The following SH3BGRL2 variants were observed in gnomAD, a reference collection of about 807,000 sequenced individuals.
SH3BGRL2 encodes SH3 domain-binding glutamic acid-rich-like protein 2.
A neutral mutation model predicts 14.8 loss-of-function variants in SH3BGRL2; 21 were observed. The ratio of observed to expected loss-of-function variants is 1.42; its 90% CI spans 1.01 to 2.05. The LOEUF (loss-of-function observed/expected upper bound fraction) is 2.05, where lower values mean the gene tolerates loss of function less well. Among genes scored for constraint, SH3BGRL2 ranks in the 30% most tolerant of loss-of-function variants. The probability of loss-of-function intolerance (pLI) is 0.00; values close to 1 mark genes in which losing one functional copy is unlikely to be tolerated. For synonymous variants in SH3BGRL2, 50 were observed against 47.8 expected, an observed-to-expected ratio of 1.05 and a Z score of -0.19; for missense variants, 147 against 130.8, an observed-to-expected ratio of 1.12 and a Z score of -0.61.
the SH3BGRL2 span, among the ~76,000 whole-genome samples, chr6:79,589,326 G>A: frequency 9.3e-5 from 14 of 151,236 alleles, no homozygotes; most frequent in Non-Finnish European, 1.5e-4. Flanking sequence ...ACTAATGAAT[G>A]ATTATTTAAT....
the SH3BGRL2 span, among the ~76,000 whole-genome samples, chr6:79,541,451 T>C: frequency 6.6e-6 from 1 of 152,208 alleles, no homozygotes; most frequent in Non-Finnish European, 1.5e-5. Flanking sequence ...AATTTTTTCT[T>C]CTCTTTGTCT....
chr6:79,543,885 CTTCTT>C, the SH3BGRL2 span, among the ~76,000 whole-genome samples: 1 of 152,262 alleles, frequency 6.6e-6, no homozygotes, highest in East Asian at 1.9e-4. Flanking sequence ...CTAAGGCACT[CTTCTT>C]TTCTAACAGA....
chr6:79,597,851 G>C, the SH3BGRL2 span, among the ~76,000 whole-genome samples: 1 of 152,136 alleles, frequency 6.6e-6, no homozygotes, highest in Admixed American at 6.5e-5. Flanking sequence ...AAATGTTTGT[G>C]AATTCTATAT....
At chr6:79,677,655 T>G (rs1769911534) in intron 2 of SH3BGRL2, among the ~76,000 whole-genome samples, 5 of 152,208 alleles carry the variant, frequency 3.3e-5, no homozygotes, top group Admixed American at 3.3e-4. Flanking sequence ...TTTTCTAAAC[T>G]GGTCCTCTAG....
At position 79,683,467 on chromosome 6, in the gene SH3BGRL2, T is replaced by A. The variant is rs186012584; in HGVS notation, c.231+9668T>A. Among the ~76,000 whole-genome samples, 949 of 152,176 alleles carry A rather than the reference T, an allele frequency of 6.2e-3. 5 individuals carry two copies. The highest frequency in any genetic ancestry group is 0.01 in the Non-Finnish European group (680 of 67,980). ...TTTAGAAATGTAAACATCCTTCTTT[T>A]TTTTTTTTTGAGATGGAGTCTCGCT... On this transcript the variant is annotated intron_variant, in intron 2 of 3. Transcript: ENST00000369838.
At chr6:79,661,077 A>T (rs544132277) in intron 1 of SH3BGRL2, among the ~76,000 whole-genome samples, 1 of 152,274 alleles carries the variant, frequency 6.6e-6, no homozygotes, top group East Asian at 1.9e-4. Flanking sequence ...ATTTCAAAAA[A>T]CCAGCTCCTG....
At chr6:79,544,736 C>T in the SH3BGRL2 span, among the ~76,000 whole-genome samples, 4 of 152,048 alleles carry the variant, frequency 2.6e-5, no homozygotes, top group African/African-American at 9.7e-5. Flanking sequence ...GTAACAACAC[C>T]TAAAATAGCA....
intron 1 of SH3BGRL2, among the ~76,000 whole-genome samples, chr6:79,645,354 C>G (rs1769119883): frequency 6.6e-6 from 1 of 152,040 alleles, no homozygotes. Context: ...CTTTCTTAGA[C>G]ACAAACATAA....
intron 1 of SH3BGRL2, among the ~76,000 whole-genome samples, chr6:79,651,636 C>G (rs1317332376): frequency 6.6e-6 from 1 of 152,146 alleles, no homozygotes; most frequent in Non-Finnish European, 1.5e-5. Flanking sequence ...TAAGCAGCCC[C>G]TCTGAAGCTA....
chr6:79,616,007 G>C, the SH3BGRL2 span, among the ~76,000 whole-genome samples: 1 of 151,530 alleles, frequency 6.6e-6, no homozygotes, highest in African/African-American at 2.4e-5. Flanking sequence ...GTAGAGACAG[G>C]GTTTCTCCAT....
At chr6:79,628,491 AT>A (rs1768770406), upstream of SH3BGRL2, among the ~76,000 whole-genome samples, 1 of 152,004 alleles carries the variant, frequency 6.6e-6, no homozygotes, top group Non-Finnish European at 1.5e-5. Flanking sequence ...TCTTAGTCTC[AT>A]CTTTCAGTTT....
intron 1 of SH3BGRL2, among the ~76,000 whole-genome samples, chr6:79,663,478 C>CTGCAGAACAGCAAATAT (rs1422677543): frequency 8.0e-4 from 122 of 152,314 alleles, no homozygotes; most frequent in African/African-American, 2.9e-3. Context: ...CCAGCAGAGG[C>CTGCAGAACAGCAAATAT]TGCAGAACAG....
the SH3BGRL2 span, among the ~76,000 whole-genome samples, chr6:79,597,288 AAGAGAGAAAG>A: frequency 6.6e-6 from 1 of 150,384 alleles, no homozygotes; most frequent in Non-Finnish European, 1.5e-5. Flanking sequence ...GAGAGAAAGA[AAGAGAGAAAG>A]AGAGAGAAAA....
the SH3BGRL2 span, among the ~76,000 whole-genome samples, chr6:79,594,937 C>T: frequency 6.6e-6 from 1 of 152,102 alleles, no homozygotes; most frequent in Admixed American, 6.5e-5. Context: ...AACAGATCTC[C>T]AAGATACAAA....
At position 79,684,530 on chromosome 6, in the gene SH3BGRL2, T is replaced by C. The variant is rs76917660; in HGVS notation, c.231+10731T>C. On this transcript the variant is annotated intron_variant, in intron 2 of 3. Coordinates refer to ENST00000369838, the MANE Select transcript of SH3BGRL2 (RefSeq NM_031469.4). Reference sequence around the variant, plus strand: ...CATGGTTATATGAATGGGTAAATGGTGTTTTCAGCTCAGGTGTTTTCAGCT... The same window carrying C: ...CATGGTTATATGAATGGGTAAATGGCGTTTTCAGCTCAGGTGTTTTCAGCT... 7.0e-3 allele frequency among the ~76,000 whole-genome samples: 1,073 copies of C among 152,212 alleles called. 5 individuals are homozygous for C. The highest frequency in any genetic ancestry group is 0.012 in the Non-Finnish European group (821 of 68,022).
At chr6:79,683,602 C>T (rs1770034389) in intron 2 of SH3BGRL2, among the ~76,000 whole-genome samples, 1 of 152,084 alleles carries the variant, frequency 6.6e-6, no homozygotes, top group African/African-American at 2.4e-5. Context: ...GCGCATGCCA[C>T]CATGCCTGGC....
At chr6:79,660,479 G>A (rs984728951) in intron 1 of SH3BGRL2, among the ~76,000 whole-genome samples, 1 of 145,388 alleles carries the variant, frequency 6.9e-6, no homozygotes, top group African/African-American at 2.4e-5. Context: ...TTGCATCCCA[G>A]GGATGAAGGC....
chr6:79,613,867 C>T, the SH3BGRL2 span, among the ~76,000 whole-genome samples: 1 of 152,150 alleles, frequency 6.6e-6, no homozygotes, highest in Non-Finnish European at 1.5e-5. Flanking sequence ...CCAGGCCTCC[C>T]AAAGTGCCAG....
chr6:79,578,646 T>A, the SH3BGRL2 span, among the ~76,000 whole-genome samples: 1 of 152,038 alleles, frequency 6.6e-6, no homozygotes, highest in Admixed American at 6.6e-5. Context: ...CATCTGTAGG[T>A]CACCAACATC....
Sources: gnomAD v4.1 joint callset for allele counts (sites outside exome capture counted in the v4.1 genomes callset) on GRCh38, gnomAD v4.1.1 for gene constraint, MANE v1.5 for transcripts, NCBI Gene and HGNC (gene_info 2026-07-23, HGNC 2026-07-21) for gene names.